WDHD1: variants seen among roughly 807,000 people sequenced by gnomAD.
The protein encoded by WDHD1 is WD repeat and HMG-box DNA-binding protein 1.
A neutral mutation model predicts 135.4 loss-of-function variants in WDHD1; 111 were observed. The observed-to-expected ratio is 0.82, with a 90% confidence interval of 0.70 to 0.96. The LOEUF (loss-of-function observed/expected upper bound fraction) is 0.96, where lower values mean the gene tolerates loss of function less well. Among genes scored for constraint, WDHD1 ranks in the 40% least tolerant of loss-of-function variants. The pLI is 0.00. For synonymous variants in WDHD1, 434 were observed against 439.0 expected (o/e 0.99, Z 0.14); for missense variants, 1,351 against 1,336.3 (o/e 1.01, Z -0.17).
chr14:55,010,363 T>C lies in WDHD1; in HGVS notation c.287A>G (p.Asn96Ser). 1.2e-6 allele frequency: 2 copies of C among 1,613,290 alleles called. No individual in the cohort carries two copies. The highest frequency in any genetic ancestry group is 1.7e-6 in the Non-Finnish European group (2 of 1,179,674). Reference sequence around the variant, plus strand: ...CCCATTAAAGACCACATGGTTTGCATTTGTAGTGAAGCGAGTCAATATACC... The same window carrying C: ...CCCATTAAAGACCACATGGTTTGCACTTGTAGTGAAGCGAGTCAATATACC... ...PDGILTRFTT[N>S]ANHVVFNGDG... The change falls in exon 4 of 26, where the codon AAT becomes AGT. Residue 96 changes from asparagine to serine, a missense_variant. Around this residue, in one of 2 missense-constraint regions of WDHD1, gnomAD observed 1,330 missense variants for 1,296.1 expected, o/e 1.03. Transcript: ENST00000360586.
At position 55,027,076 on chromosome 14, in the gene WDHD1, G is replaced by A. The variant is rs2042462503; in HGVS notation, c.-65C>T. On this transcript the variant is annotated 5_prime_UTR_variant, in exon 1 of 26. Transcript: ENST00000360586. ...TGAGGATCCACAAGAGCTGCTTCCC[G>A]CGCTTCGGCTCGCTCACCACACTGC... The A allele has an allele frequency of 2.5e-6, 1 of 400,052 alleles. No individual in the cohort carries two copies. Among genetic ancestry groups the A allele is most frequent in the Non-Finnish European group, 4.7e-6 (1 of 213,192 alleles). The allele number at this position is 400,052 out of a possible 1,614,324, so 24.8% of individuals were successfully genotyped here. A position where few individuals can be genotyped will look rare whatever the true frequency, so the allele number is the denominator to read the frequency against.
intron 7 of WDHD1, chr14:55,005,512 G>A (rs2042051204): frequency 5.3e-6 from 3 of 568,944 alleles, no homozygotes; most frequent in Admixed American, 3.9e-5. Context: ...AAGCTCCCAG[G>A]AGAAGCTTCT....
chr14:55,012,757 C>A (rs1249873667), intron 3 of WDHD1, among the ~76,000 whole-genome samples: 1 of 152,080 alleles, frequency 6.6e-6, no homozygotes, highest in Non-Finnish European at 1.5e-5. Context: ...GCAAGAGGAT[C>A]AAACTCACCC....
chr14:55,006,876 T>C (rs2042078389), intron 7 of WDHD1, among the ~76,000 whole-genome samples: 1 of 152,042 alleles, frequency 6.6e-6, no homozygotes, highest in Non-Finnish European at 1.5e-5. Flanking sequence ...TAAAAAGTAA[T>C]TAAAAAAACT....
At chr14:54,947,034 C>A (rs1487424890) in intron 24 of WDHD1, among the ~76,000 whole-genome samples, 1 of 149,456 alleles carries the variant, frequency 6.7e-6, no homozygotes, top group Non-Finnish European at 1.5e-5. Flanking sequence ...CAGGGCAAGA[C>A]TGTCTCAAAA....
In WDHD1 at chr14:55,002,063, C is replaced by T. The variant is rs371495860; in HGVS notation, c.693+30G>A. The T allele has an allele frequency of 2.3e-5, 34 of 1,487,680 alleles. No homozygotes were observed. The African/African-American group carries it at 4.1e-4, about 18-fold the overall frequency. 92.2% of individuals were successfully genotyped at this position (1,487,680 alleles called of 1,614,324 possible). A position where few individuals can be genotyped will look rare whatever the true frequency, so the allele number is the denominator to read the frequency against. ...CTACGCATTAACTGCTCCTTATAGC[C>T]CACTGAAAGTGTCACTTTGTAAAAC... On this transcript the variant is annotated intron_variant, in intron 8 of 25. Transcript: ENST00000360586.
intron 2 of WDHD1, among the ~76,000 whole-genome samples, chr14:55,025,234 A>T (rs891978492): frequency 6.7e-6 from 1 of 148,262 alleles, no homozygotes; most frequent in African/African-American, 2.5e-5. Context: ...TGATGCAAAG[A>T]CCTTTGTTCA....
intron 16 of WDHD1, among the ~76,000 whole-genome samples, chr14:54,972,974 C>T (rs188598026): frequency 1.3e-5 from 2 of 152,134 alleles, no homozygotes; most frequent in East Asian, 3.8e-4. Flanking sequence ...CATTCAAACA[C>T]GCCCATCATG....
At chr14:54,970,606 T>A (rs1315855423) in intron 16 of WDHD1, among the ~76,000 whole-genome samples, 1 of 141,200 alleles carries the variant, frequency 7.1e-6, no homozygotes, top group Non-Finnish European at 1.5e-5. Context: ...TTGGTTTGCA[T>A]CGAAGTCACA....
At chr14:55,007,520 G>T in intron 6 of WDHD1, 145 bp from the exon 7 acceptor site, 1 of 579,852 alleles carries the variant, frequency 1.7e-6, no homozygotes, top group Non-Finnish European at 2.9e-6. Context: ...AATAATACCT[G>T]ATATACCTAA....
At chr14:54,967,000 ACTT>A (rs1255172407) in intron 17 of WDHD1, among the ~76,000 whole-genome samples, 2 of 152,224 alleles carry the variant, frequency 1.3e-5, no homozygotes, top group African/African-American at 2.4e-5. Flanking sequence ...GTATGGAGGC[ACTT>A]CTTCTCAGGG....
At chr14:54,948,372 T>C (rs2040971288) in intron 24 of WDHD1, among the ~76,000 whole-genome samples, 1 of 152,224 alleles carries the variant, frequency 6.6e-6, no homozygotes, top group African/African-American at 2.4e-5. Flanking sequence ...GCTTTTCCAA[T>C]GGTCTTAGCA....
At chr14:55,018,569 A>G (rs989030960) in intron 2 of WDHD1, among the ~76,000 whole-genome samples, 7 of 152,210 alleles carry the variant, frequency 4.6e-5, no homozygotes, top group Non-Finnish European at 1.0e-4. Flanking sequence ...CCTTAAAAAC[A>G]GTGAAGACCC....
intron 24 of WDHD1, among the ~76,000 whole-genome samples, chr14:54,952,547 CGT>C (rs1476257788): frequency 1.3e-5 from 2 of 152,308 alleles, no homozygotes; most frequent in East Asian, 3.9e-4. Flanking sequence ...GAATCACTAT[CGT>C]GAAAACGGCC....
chr14:54,997,396 C>T (rs1210585792), intron 10 of WDHD1, among the ~76,000 whole-genome samples: 1 of 152,006 alleles, frequency 6.6e-6, no homozygotes, highest in Non-Finnish European at 1.5e-5. Context: ...GTACCCAGAC[C>T]CTCATAAACC....
intron 13 of WDHD1, 66 bp from the exon 14 acceptor site, chr14:54,987,453 A>C: frequency 9.2e-7 from 1 of 1,085,074 alleles, no homozygotes; most frequent in Non-Finnish European, 1.2e-6. Flanking sequence ...TATATATATA[A>C]GCAATCATGA....
intron 21 of WDHD1, among the ~76,000 whole-genome samples, chr14:54,960,318 T>C (rs6572993): frequency 0.42 from 63,520 of 150,096 alleles, 15,079 homozygotes; most frequent in African/African-American, 0.66. Flanking sequence ...CAGGTGCCTG[T>C]CACCATGCCC....
At chr14:54,987,934 T>C (rs994014321) in intron 13 of WDHD1, among the ~76,000 whole-genome samples, 1 of 152,172 alleles carries the variant, frequency 6.6e-6, no homozygotes, top group Non-Finnish European at 1.5e-5. Context: ...GCCTGAAGGA[T>C]ACAAATTTCA....
intron 16 of WDHD1, among the ~76,000 whole-genome samples, chr14:54,970,100 T>C (rs1186803173): frequency 4.6e-5 from 7 of 152,124 alleles, no homozygotes; most frequent in Non-Finnish European, 1.0e-4. Flanking sequence ...ACCATATGAA[T>C]GGGAAAAAGC....
Sources: gnomAD v4.1 joint callset for allele counts (sites outside exome capture counted in the v4.1 genomes callset) on GRCh38, gnomAD v4.1.1 for gene constraint, gnomAD v4.1.1 regional missense constraint, MANE v1.5 for transcripts, NCBI Gene and HGNC (gene_info 2026-07-23, HGNC 2026-07-21) for gene names.